KIAA1217: variants seen among roughly 807,000 people sequenced by gnomAD.
KIAA1217 encodes sickle tail protein homolog.
A neutral mutation model predicts 163.9 loss-of-function variants in KIAA1217; 88 were observed. That is an observed-to-expected ratio of 0.54 (90% CI 0.45 to 0.64). The LOEUF (loss-of-function observed/expected upper bound fraction) is 0.64. Among genes scored for constraint, KIAA1217 ranks in the 30% least tolerant of loss-of-function variants. The pLI is 0.00. For missense variants in KIAA1217, 2,372 were observed against 2,475.0 expected, an observed-to-expected ratio of 0.96 and a Z score of 0.88; for synonymous variants, 903 against 923.1, an observed-to-expected ratio of 0.98 and a Z score of 0.39.
intron 1 of KIAA1217, among the ~76,000 whole-genome samples, chr10:23,985,743 T>G (rs1845945211): frequency 6.6e-6 from 1 of 152,226 alleles, no homozygotes; most frequent in African/African-American, 2.4e-5. Context: ...AGGTTGAGGT[T>G]GGATTCAAGT....
intron 1 of KIAA1217, among the ~76,000 whole-genome samples, chr10:23,913,136 C>T (rs1388590131): frequency 1.3e-5 from 2 of 152,258 alleles, no homozygotes; most frequent in African/African-American, 2.4e-5. Context: ...TTTACAGTGA[C>T]GTGTGACAGC....
chr10:24,352,090 G>T (rs930975448), intron 2 of KIAA1217, among the ~76,000 whole-genome samples: 1 of 152,242 alleles, frequency 6.6e-6, no homozygotes, highest in African/African-American at 2.4e-5. Flanking sequence ...GGCCGTCAGC[G>T]TGGCACTCTT....
chr10:24,467,162 C>T (rs2063042947), intron 5 of KIAA1217, among the ~76,000 whole-genome samples: 1 of 152,008 alleles, frequency 6.6e-6, no homozygotes. Context: ...TAATATATAG[C>T]TACATGTAAG....
intron 1 of KIAA1217, among the ~76,000 whole-genome samples, chr10:23,795,709 G>A (rs934217798): frequency 6.6e-6 from 1 of 152,082 alleles, no homozygotes. Flanking sequence ...GACTCTCTTC[G>A]GGCCCATCAG....
intron 1 of KIAA1217, among the ~76,000 whole-genome samples, chr10:24,216,102 A>G (rs570959320): frequency 6.6e-6 from 1 of 152,334 alleles, no homozygotes; most frequent in Non-Finnish European, 1.5e-5. Flanking sequence ...GTGCTAGGAA[A>G]AAAACAGGGG....
intron 2 of KIAA1217, among the ~76,000 whole-genome samples, chr10:24,080,436 T>C (rs1186813857): frequency 6.6e-6 from 1 of 152,246 alleles, no homozygotes; most frequent in African/African-American, 2.4e-5. Flanking sequence ...AAGCCATTAA[T>C]GGATCCTTCC....
At chr10:24,256,542 A>G (rs115813448) in intron 2 of KIAA1217, among the ~76,000 whole-genome samples, 2,377 of 150,640 alleles carry the variant, frequency 0.016, 24 homozygotes, top group African/African-American at 0.025. Flanking sequence ...AAACCTTGGG[A>G]AAAAAAAAGC....
chr10:24,162,081 A>G (rs2065146118), intron 2 of KIAA1217, among the ~76,000 whole-genome samples: 1 of 152,218 alleles, frequency 6.6e-6, no homozygotes, highest in Non-Finnish European at 1.5e-5. Context: ...CCACTCCCCA[A>G]ACTGCAAGTA....
chr10:23,905,438 A>G (rs987706763), intron 1 of KIAA1217, among the ~76,000 whole-genome samples: 4 of 151,986 alleles, frequency 2.6e-5, no homozygotes, highest in Non-Finnish European at 5.9e-5. Flanking sequence ...TGCCCAATGT[A>G]TGGTTTATGC....
chr10:24,037,765 C>T (rs1226591218), intron 2 of KIAA1217, among the ~76,000 whole-genome samples: 1 of 152,212 alleles, frequency 6.6e-6, no homozygotes, highest in Non-Finnish European at 1.5e-5. Context: ...ACAATTCAAA[C>T]AATATCATTG....
intron 2 of KIAA1217, among the ~76,000 whole-genome samples, chr10:24,379,173 T>C (rs1231495170): frequency 6.6e-6 from 1 of 152,198 alleles, no homozygotes; most frequent in Non-Finnish European, 1.5e-5. Context: ...GATATTCTGC[T>C]GAGCACAGTA....
intron 2 of KIAA1217, among the ~76,000 whole-genome samples, chr10:24,304,717 T>G (rs1389761278): frequency 6.6e-6 from 1 of 152,168 alleles, no homozygotes; most frequent in Non-Finnish European, 1.5e-5. Context: ...GAAAACTTCC[T>G]TACACCTGTT....
At chr10:23,934,576 T>TATATAC (rs1843412157) in intron 1 of KIAA1217, among the ~76,000 whole-genome samples, 1 of 61,680 alleles carries the variant, frequency 1.6e-5, no homozygotes, top group African/African-American at 1.8e-4. Flanking sequence ...TATATATATA[T>TATATAC]ATATATATAT....
intron 1 of KIAA1217, among the ~76,000 whole-genome samples, chr10:23,762,973 G>C (rs934189199): frequency 1.3e-5 from 2 of 151,892 alleles, no homozygotes; most frequent in Non-Finnish European, 2.9e-5. Flanking sequence ...TACACCAATA[G>C]AGAAGCAGAG....
intron 2 of KIAA1217, among the ~76,000 whole-genome samples, chr10:24,335,898 C>T (rs1591069757): frequency 6.6e-6 from 1 of 152,364 alleles, no homozygotes; most frequent in Non-Finnish European, 1.5e-5. Context: ...AGGCGTCAGC[C>T]ACTGCACTCA....
At chr10:24,322,097 T>C (rs960308770) in intron 2 of KIAA1217, among the ~76,000 whole-genome samples, 1 of 151,992 alleles carries the variant, frequency 6.6e-6, no homozygotes, top group Non-Finnish European at 1.5e-5. Context: ...CACAGGTGCA[T>C]GCTATCACAC....
chr10:24,143,869 T>C (rs2064192425), intron 2 of KIAA1217, among the ~76,000 whole-genome samples: 2 of 151,618 alleles, frequency 1.3e-5, no homozygotes, highest in Non-Finnish European at 2.9e-5. Flanking sequence ...AGCAGGATCA[T>C]ATGGTACCAG....
chr10:24,466,480 T>C, intron 5 of KIAA1217: 1 of 982,288 alleles, frequency 1.0e-6, no homozygotes, highest in Non-Finnish European at 1.2e-6. Flanking sequence ...AGTGACTAAT[T>C]TCCAAGGGGA....
chr10:24,046,496 A>G (rs575585278), intron 2 of KIAA1217, among the ~76,000 whole-genome samples: 1 of 152,242 alleles, frequency 6.6e-6, no homozygotes, highest in Non-Finnish European at 1.5e-5. Flanking sequence ...AGGAGGCCTC[A>G]GGAAACTTAC....
Sources: gnomAD v4.1 joint callset for allele counts (sites outside exome capture counted in the v4.1 genomes callset) on GRCh38, gnomAD v4.1.1 for gene constraint, MANE v1.5 for transcripts, NCBI Gene and HGNC (gene_info 2026-07-23, HGNC 2026-07-21) for gene names.